AKT3: variants seen among roughly 807,000 people sequenced by gnomAD.
AKT3 encodes the protein AKT serine/threonine kinase 3.
In AKT3, 15 loss-of-function variants were observed where a neutral mutation model predicts 65.3. The ratio of observed to expected loss-of-function variants is 0.23; its 90% CI spans 0.15 to 0.35. AKT3 has a LOEUF of 0.35. Ranked by LOEUF, AKT3 falls within the 10% of genes least tolerant of loss-of-function variation. AKT3 has a pLI of 1.00. For missense variants in AKT3, 243 were observed against 576.5 expected (o/e 0.42, Z 5.92); for synonymous variants, 206 against 183.8 (o/e 1.12, Z -0.98).
chr1:243,781,639 G>C (rs1303060588), intron 2 of AKT3, among the ~76,000 whole-genome samples: 4 of 152,072 alleles, frequency 2.6e-5, no homozygotes, highest in Non-Finnish European at 5.9e-5. Context: ...GTTGATGTTT[G>C]AGTGACAGAC....
chr1:243,563,359 T>C (rs1210902811), intron 10 of AKT3, among the ~76,000 whole-genome samples: 1 of 152,194 alleles, frequency 6.6e-6, no homozygotes, highest in Non-Finnish European at 1.5e-5. Context: ...CCACTGTTGT[T>C]TCTAAGGAAA....
chr1:243,812,025 G>A (rs966345726), intron 2 of AKT3, among the ~76,000 whole-genome samples: 2 of 152,120 alleles, frequency 1.3e-5, no homozygotes, highest in Non-Finnish European at 2.9e-5. Context: ...ATTAATTCAA[G>A]ATGGATTAAA....
chr1:243,498,566 G>GAA (rs1668646323), downstream of AKT3, among the ~76,000 whole-genome samples: 1 of 152,224 alleles, frequency 6.6e-6, no homozygotes, highest in Non-Finnish European at 1.5e-5. Context: ...ACCTGTTCAA[G>GAA]AAAAAGTTGT....
intron 2 of AKT3, 149 bp from the exon 3 acceptor site, chr1:243,695,865 A>C: frequency 1.9e-6 from 1 of 536,658 alleles, no homozygotes; most frequent in Non-Finnish European, 2.8e-6. Context: ...TTACAAAAGA[A>C]AATACATAAG....
intron 3 of AKT3, among the ~76,000 whole-genome samples, chr1:243,686,405 C>A (rs370924336): frequency 2.0e-5 from 3 of 151,632 alleles, no homozygotes; most frequent in African/African-American, 4.8e-5. Context: ...TTTCCTCCAA[C>A]CAAACAATAG....
intron 12 of AKT3, among the ~76,000 whole-genome samples, chr1:243,517,992 C>CCT (rs1380705048): frequency 6.6e-6 from 1 of 152,144 alleles, no homozygotes; most frequent in African/African-American, 2.4e-5. Context: ...CGTCAGTGAG[C>CCT]ATGTAGTGTA....
chr1:243,572,488 G>A (rs1011160937), intron 9 of AKT3, among the ~76,000 whole-genome samples: 1 of 151,922 alleles, frequency 6.6e-6, no homozygotes, highest in Non-Finnish European at 1.5e-5. Flanking sequence ...TAAAACACGA[G>A]GCACATTAAT....
chr1:243,605,275 A>G (rs1402842403), intron 8 of AKT3, among the ~76,000 whole-genome samples: 1 of 151,556 alleles, frequency 6.6e-6, no homozygotes, highest in Non-Finnish European at 1.5e-5. Flanking sequence ...CAATCCTCCT[A>G]TCTCAGCTGC....
At chr1:243,584,666 T>C (rs1675661108) in intron 8 of AKT3, among the ~76,000 whole-genome samples, 1 of 151,740 alleles carries the variant, frequency 6.6e-6, no homozygotes, top group Non-Finnish European at 1.5e-5. Context: ...ATTCACCACA[T>C]AAACCAAATT....
intron 12 of AKT3, among the ~76,000 whole-genome samples, chr1:243,523,551 T>A (rs1231837702): frequency 6.6e-6 from 1 of 152,170 alleles, no homozygotes; most frequent in Non-Finnish European, 1.5e-5. Flanking sequence ...GAAAATAATC[T>A]TATAGATCTA....
intron 2 of AKT3, among the ~76,000 whole-genome samples, chr1:243,752,924 A>C (rs1033255327): frequency 9.2e-5 from 14 of 152,348 alleles, no homozygotes; most frequent in South Asian, 2.1e-4. Flanking sequence ...CTTCGTCCCA[A>C]GCAGACATCT....
chr1:243,528,048 G>A (rs1394676019), intron 12 of AKT3, among the ~76,000 whole-genome samples: 1 of 152,048 alleles, frequency 6.6e-6, no homozygotes. Context: ...ATCTGCTCTG[G>A]TGGGCGTCTT....
At chr1:243,593,278 C>G (rs886651281) in intron 8 of AKT3, among the ~76,000 whole-genome samples, 4 of 152,162 alleles carry the variant, frequency 2.6e-5, no homozygotes, top group Admixed American at 6.5e-5. Context: ...CTTAACAAAA[C>G]TTCTCTAATT....
chr1:243,708,877 C>A (rs747257261), intron 2 of AKT3, among the ~76,000 whole-genome samples: 3 of 151,940 alleles, frequency 2.0e-5, no homozygotes, highest in Non-Finnish European at 4.4e-5. Context: ...TGTTACAAAT[C>A]ACTCATTTAT....
At chr1:243,655,822 G>A (rs1681737897) in intron 4 of AKT3, among the ~76,000 whole-genome samples, 1 of 152,010 alleles carries the variant, frequency 6.6e-6, no homozygotes, top group African/African-American at 2.4e-5. Flanking sequence ...AGCTCTGGGA[G>A]CTACTCAAAA....
chr1:243,818,324 G>A (rs1693651452), intron 2 of AKT3: 1 of 152,108 alleles, frequency 6.6e-6, no homozygotes, highest in Admixed American at 6.5e-5. Flanking sequence ...TTATCAATGA[G>A]GAAACTGACT....
chr1:243,614,874 A>G (rs1678180939), intron 7 of AKT3, among the ~76,000 whole-genome samples: 1 of 152,116 alleles, frequency 6.6e-6, no homozygotes, highest in Non-Finnish European at 1.5e-5. Context: ...GAGAAAAAAA[A>G]TTCTCAAAAA....
At chr1:243,790,269 C>G (rs1691534528) in intron 2 of AKT3, among the ~76,000 whole-genome samples, 1 of 152,154 alleles carries the variant, frequency 6.6e-6, no homozygotes, top group African/African-American at 2.4e-5. Context: ...TTTAGTGTAA[C>G]CACCTTCATC....
At chr1:243,803,865 TAAG>T (rs1284819706) in intron 2 of AKT3, among the ~76,000 whole-genome samples, 3 of 152,118 alleles carry the variant, frequency 2.0e-5, no homozygotes, top group Admixed American at 2.0e-4. Flanking sequence ...AAAACTGACA[TAAG>T]GAGGAACACA....
Sources: allele counts gnomAD v4.1 joint callset (sites outside exome capture counted in the v4.1 genomes callset), GRCh38; gene constraint gnomAD v4.1.1; transcripts MANE v1.5; gene names NCBI Gene and HGNC (gene_info 2026-07-23, HGNC 2026-07-21).